Variants in TIAM1 observed in about 807,000 individuals in gnomAD.
TIAM1 encodes the protein rho guanine nucleotide exchange factor TIAM1.
In TIAM1, 65 loss-of-function variants were observed where a neutral mutation model predicts 163.5. That is an observed-to-expected ratio of 0.40 (90% CI 0.33 to 0.49). The LOEUF (loss-of-function observed/expected upper bound fraction) is 0.49. TIAM1 is among the 20% of genes least tolerant of loss of function. The pLI, the probability that TIAM1 is intolerant of heterozygous loss-of-function variation, is 0.77. For synonymous variants in TIAM1, 833 were observed against 810.1 expected (o/e 1.03, Z -0.48); for missense variants, 1,789 against 2,044.7 (o/e 0.87, Z 2.41).
intron 1 of TIAM1, among the ~76,000 whole-genome samples, chr21:31,518,109 T>C (rs1715173776): frequency 6.6e-6 from 1 of 152,090 alleles, no homozygotes. Flanking sequence ...AATCCTAAGA[T>C]GGGTAGAGGA....
At chr21:31,144,828 C>CAGAA (rs2083029632) in intron 20 of TIAM1, among the ~76,000 whole-genome samples, 1 of 28,672 alleles carries the variant, frequency 3.5e-5, no homozygotes, top group Non-Finnish European at 5.6e-5. Context: ...GACTCCATCT[C>CAGAA]AGAAAAAAAA....
At chr21:31,124,346 G>A (rs2146207167) in intron 27 of TIAM1, 176 bp downstream of exon 27, 4 of 765,288 alleles carry the variant, frequency 5.2e-6, no homozygotes, top group African/African-American at 1.8e-5. Context: ...GGATCCCCAG[G>A]AGCCACTGGG....
chr21:31,385,704 G>A (rs1406572720), intron 2 of TIAM1, among the ~76,000 whole-genome samples: 1 of 137,324 alleles, frequency 7.3e-6, no homozygotes, highest in African/African-American at 2.8e-5. Context: ...AAAATATACT[G>A]CACTGGAAGA....
intron 1 of TIAM1, among the ~76,000 whole-genome samples, chr21:31,550,793 G>A (rs2048658325): frequency 2.6e-5 from 4 of 152,210 alleles, no homozygotes; most frequent in Admixed American, 1.3e-4. Flanking sequence ...GAGAAAAAGA[G>A]AAGATCAGGA....
chr21:31,129,309 C>T (rs2082321894), intron 25 of TIAM1, among the ~76,000 whole-genome samples: 2 of 152,164 alleles, frequency 1.3e-5, no homozygotes, highest in African/African-American at 2.4e-5. Flanking sequence ...TTTCAAGCAT[C>T]GTCTAATTAT....
chr21:31,238,802 T>G (rs908892199), intron 6 of TIAM1, among the ~76,000 whole-genome samples: 2 of 152,194 alleles, frequency 1.3e-5, no homozygotes, highest in African/African-American at 4.8e-5. Flanking sequence ...AATAGTATAC[T>G]CAGACAATAA....
intron 9 of TIAM1, among the ~76,000 whole-genome samples, chr21:31,215,433 C>T (rs996421036): frequency 2.0e-5 from 3 of 151,842 alleles, no homozygotes; most frequent in African/African-American, 7.3e-5. Flanking sequence ...TGGTGGCAGG[C>T]GCCTGTAATC....
At chr21:31,243,311 T>C (rs984256492) in intron 6 of TIAM1, among the ~76,000 whole-genome samples, 3 of 137,946 alleles carry the variant, frequency 2.2e-5, no homozygotes, top group African/African-American at 5.4e-5. Context: ...CAGATTTGAG[T>C]TGGAAGAAAA....
chr21:31,333,459 A>G (rs1569233840), intron 2 of TIAM1, among the ~76,000 whole-genome samples: 1 of 151,834 alleles, frequency 6.6e-6, no homozygotes, highest in Non-Finnish European at 1.5e-5. Context: ...TTCTTTTGCG[A>G]CAGGGTCTGG....
chr21:31,412,356 T>C (rs963462661), intron 2 of TIAM1, among the ~76,000 whole-genome samples: 4 of 152,010 alleles, frequency 2.6e-5, no homozygotes, highest in African/African-American at 7.2e-5. Context: ...TGGTACTCCA[T>C]AACAGCAGTC....
At chr21:31,366,865 G>A (rs1422083449) in intron 2 of TIAM1, among the ~76,000 whole-genome samples, 2 of 152,254 alleles carry the variant, frequency 1.3e-5, no homozygotes, top group South Asian at 4.1e-4. Flanking sequence ...TGATCCACCC[G>A]CCTCAGCCTA....
chr21:31,294,282 C>A (rs1271299793), intron 2 of TIAM1, among the ~76,000 whole-genome samples: 1 of 152,146 alleles, frequency 6.6e-6, no homozygotes, highest in Non-Finnish European at 1.5e-5. Context: ...CACATTTAAA[C>A]CAAACCAATG....
chr21:31,156,859 C>T (rs928042739), intron 16 of TIAM1, among the ~76,000 whole-genome samples: 48 of 152,238 alleles, frequency 3.2e-4, no homozygotes, highest in African/African-American at 1.1e-3. Flanking sequence ...AGGCACCTAA[C>T]ACAACAAATG....
intron 9 of TIAM1, among the ~76,000 whole-genome samples, chr21:31,215,952 G>C (rs1464154320): frequency 6.6e-6 from 1 of 152,186 alleles, no homozygotes; most frequent in Non-Finnish European, 1.5e-5. Context: ...CTTGAGGTCA[G>C]GAGTTCGAGA....
At chr21:31,228,944 T>C (rs2088227273) in intron 6 of TIAM1, among the ~76,000 whole-genome samples, 1 of 152,030 alleles carries the variant, frequency 6.6e-6, no homozygotes, top group African/African-American at 2.4e-5. Flanking sequence ...AACCATCAGA[T>C]CTAGTGAGAA....
intron 2 of TIAM1, among the ~76,000 whole-genome samples, chr21:31,441,124 G>A (rs2044403681): frequency 6.6e-6 from 1 of 152,162 alleles, no homozygotes; most frequent in African/African-American, 2.4e-5. Context: ...CAGGATATGG[G>A]AAGAATCCTT....
chr21:31,120,841 C>G lies in TIAM1; in HGVS notation c.4307-4G>C. ...AGAGACTTGCTTGGGGCAGACACTGCACACACACACAAAAATATAAAAATA... is the reference window on the plus strand; with the variant it reads ...AGAGACTTGCTTGGGGCAGACACTGGACACACACACAAAAATATAAAAATA... On this transcript the variant is annotated splice_polypyrimidine_tract_variant and splice_region_variant and intron_variant, in intron 27 of 27. Coordinates refer to ENST00000541036, the MANE Select transcript of TIAM1 (RefSeq NM_001353694.2). The surrounding 1 kb of genome is among the most constrained non-coding windows in gnomAD (Gnocchi z 4.2). 1 of 1,582,508 alleles carries G rather than the reference C, an allele frequency of 6.3e-7. No homozygotes were observed. The highest frequency in any genetic ancestry group is 8.6e-7 in the Non-Finnish European group (1 of 1,164,994).
chr21:31,351,051 T>C (rs147435955), intron 2 of TIAM1, among the ~76,000 whole-genome samples: 2 of 152,338 alleles, frequency 1.3e-5, no homozygotes, highest in African/African-American at 4.8e-5. Flanking sequence ...TTGATTTCAC[T>C]CTAGGAATAC....
chr21:31,384,716 T>C (rs142458796), intron 2 of TIAM1, among the ~76,000 whole-genome samples: 128 of 152,266 alleles, frequency 8.4e-4, no homozygotes, highest in Non-Finnish European at 1.5e-3. Context: ...GTCCCACAAA[T>C]AGGTCAAGAG....
Sources: gnomAD v4.1 joint callset for allele counts (sites outside exome capture counted in the v4.1 genomes callset) on GRCh38, gnomAD v4.1.1 for gene constraint, Gnocchi (gnomAD v3.1) non-coding constraint, MANE v1.5 for transcripts, NCBI Gene and HGNC (gene_info 2026-07-23, HGNC 2026-07-21) for gene names.